The following ROR2 variants were observed in gnomAD, a reference collection of about 807,000 sequenced individuals.
The protein encoded by ROR2 is ROR family WNT receptor 2.
A neutral mutation model predicts 74.9 loss-of-function variants in ROR2; 33 were observed. The ratio of observed to expected loss-of-function variants is 0.44; its 90% CI spans 0.33 to 0.59. The LOEUF is 0.59. Among genes scored for constraint, ROR2 ranks in the 20% least tolerant of loss-of-function variants. The pLI, the probability that ROR2 is intolerant of heterozygous loss-of-function variation, is 0.02. For synonymous variants in ROR2, 586 were observed against 558.7 expected (o/e 1.05, Z -0.69); for missense variants, 1,216 against 1,313.8 (o/e 0.93, Z 1.15).
chr9:91,824,585 G>C (rs752287148), intron 1 of ROR2, among the ~76,000 whole-genome samples: 3 of 152,216 alleles, frequency 2.0e-5, no homozygotes, highest in African/African-American at 7.2e-5. Flanking sequence ...AACAGAGGAC[G>C]ATGAAATGCA....
intron 1 of ROR2, among the ~76,000 whole-genome samples, chr9:91,917,952 G>T (rs1831175918): frequency 6.6e-6 from 1 of 152,188 alleles, no homozygotes; most frequent in Non-Finnish European, 1.5e-5. Context: ...CCTCCACCCA[G>T]TGATCCTAAC....
chr9:91,727,207 C>CA (rs761607231), intron 7 of ROR2, among the ~76,000 whole-genome samples: 34 of 152,238 alleles, frequency 2.2e-4, no homozygotes, highest in Non-Finnish European at 4.3e-4. Flanking sequence ...TTTCCTCATT[C>CA]AACATTTTAA....
Position 91,774,792 on chromosome 9 carries a change from A to G in ROR2, c.175+949T>C, listed in dbSNP as rs1269038685. ...GGAGGGCCTGGAGAAGCATGATTCG[A>G]TACTTTTTTGAGGGGTCTGGGCATC... On this transcript the variant is annotated intron_variant, in intron 2 of 8. Coordinates refer to ENST00000375708, the MANE Select transcript of ROR2 (RefSeq NM_004560.4). Among the ~76,000 whole-genome samples the G allele has an allele frequency of 2.6e-5, 4 of 152,200 alleles. No individual in the cohort carries two copies. The East Asian group carries it at 7.7e-4, about 29-fold the overall frequency.
chr9:91,838,115 C>T (rs1828668439), intron 1 of ROR2, among the ~76,000 whole-genome samples: 1 of 152,162 alleles, frequency 6.6e-6, no homozygotes, highest in Non-Finnish European at 1.5e-5. Context: ...AAATCTTTAC[C>T]GTGTTCCTTA....
At chr9:91,780,548 G>A (rs1826582516) in intron 1 of ROR2, among the ~76,000 whole-genome samples, 1 of 152,184 alleles carries the variant, frequency 6.6e-6, no homozygotes, top group Non-Finnish European at 1.5e-5. Context: ...AGCACTTTGG[G>A]AGGTCGAGGC....
At chr9:91,759,218 G>A (rs967489905) in intron 2 of ROR2, among the ~76,000 whole-genome samples, 1 of 151,160 alleles carries the variant, frequency 6.6e-6, no homozygotes, top group Non-Finnish European at 1.5e-5. Context: ...GAGAGGTGGG[G>A]GAAGCCAGGC....
chr9:91,937,451 C>T (rs900849306), intron 1 of ROR2, among the ~76,000 whole-genome samples: 23 of 151,964 alleles, frequency 1.5e-4, no homozygotes, highest in South Asian at 8.3e-4. Flanking sequence ...GAGATCCAGA[C>T]GCCCCAGGGG....
In ROR2 at chr9:91,950,190, C is replaced by T; in HGVS notation, c.-227G>A. ...GGAGGTTCCTTGGCGCGGGCTGGGG[C>T]GTCCCGCCGGCCGCCAGGACGAGCG... On this transcript the variant is annotated 5_prime_UTR_variant, in exon 1 of 9. Transcript: ENST00000375708. The T allele has an allele frequency of 3.4e-6, 1 of 290,700 alleles. No individual in the cohort carries two copies. Among genetic ancestry groups the T allele is most frequent in the Non-Finnish European group, 6.3e-6 (1 of 158,820 alleles). 18.0% of individuals were successfully genotyped at this position (290,700 alleles called of 1,614,324 possible).
At chr9:91,768,132 C>T (rs955496800) in intron 2 of ROR2, among the ~76,000 whole-genome samples, 2 of 152,112 alleles carry the variant, frequency 1.3e-5, no homozygotes, top group African/African-American at 4.8e-5. Flanking sequence ...GAGCTCAGAC[C>T]GAAGCATGGC....
At chr9:91,921,777 C>T (rs1031827684) in intron 1 of ROR2, among the ~76,000 whole-genome samples, 6 of 151,038 alleles carry the variant, frequency 4.0e-5, no homozygotes, top group African/African-American at 1.5e-4. Context: ...GCAGGAGAAT[C>T]GCTTGAACCC....
intron 1 of ROR2, among the ~76,000 whole-genome samples, chr9:91,879,125 T>C (rs559679710): frequency 2.7e-5 from 4 of 149,212 alleles, no homozygotes; most frequent in South Asian, 2.1e-4. Context: ...GCCACAGAAA[T>C]TGGTCAAACA....
chr9:91,945,023 T>C (rs1831976436), intron 1 of ROR2, among the ~76,000 whole-genome samples: 4 of 151,356 alleles, frequency 2.6e-5, no homozygotes, highest in African/African-American at 9.7e-5. Flanking sequence ...CCAGAGGTAG[T>C]GAGCCGTGTT....
chr9:91,927,184 G>A (rs1410210654), intron 1 of ROR2, among the ~76,000 whole-genome samples: 1 of 152,170 alleles, frequency 6.6e-6, no homozygotes, highest in Non-Finnish European at 1.5e-5. Flanking sequence ...GACCCAAACT[G>A]CGTCCTGGAC....
At position 91,912,131 on chromosome 9, in the gene ROR2, A is replaced by T. The variant is rs190835050; in HGVS notation, c.97+37736T>A. On this transcript the variant is annotated intron_variant, in intron 1 of 8. Coordinates refer to ENST00000375708, the MANE Select transcript of ROR2 (RefSeq NM_004560.4). Reference sequence around the variant, plus strand: ...GGATCACACAAAACAGACATTAGTGAGAAAACTGCTAATTAGAGATTCAAA... The same window carrying T: ...GGATCACACAAAACAGACATTAGTGTGAAAACTGCTAATTAGAGATTCAAA... 2.5e-3 allele frequency among the ~76,000 whole-genome samples: 380 copies of T among 150,826 alleles called. 1 individual carries two copies. The highest frequency in any genetic ancestry group is 9.2e-3 in the African/African-American group (373 of 40,516).
intron 4 of ROR2, among the ~76,000 whole-genome samples, chr9:91,742,550 G>A (rs1476161535): frequency 6.6e-6 from 1 of 152,212 alleles, no homozygotes; most frequent in East Asian, 1.9e-4. Context: ...TTCATTGGAT[G>A]GTGCAGCCAT....
chr9:91,904,460 C>T (rs560242697), intron 1 of ROR2, among the ~76,000 whole-genome samples: 1 of 152,190 alleles, frequency 6.6e-6, no homozygotes, highest in Non-Finnish European at 1.5e-5. Context: ...GGGTAGGGAG[C>T]GGTAGGACCT....
intron 1 of ROR2, among the ~76,000 whole-genome samples, chr9:91,785,759 C>G (rs1480411403): frequency 3.3e-5 from 5 of 152,222 alleles, no homozygotes; most frequent in Admixed American, 6.5e-5. Context: ...GGCATGGGCT[C>G]CTGTTCCTCC....
At chr9:91,813,910 A>C (rs2119114434) in intron 1 of ROR2, among the ~76,000 whole-genome samples, 1 of 152,362 alleles carries the variant, frequency 6.6e-6, no homozygotes, top group East Asian at 1.9e-4. Flanking sequence ...TAAAGGGGGC[A>C]GCAAGAATGA....
intron 1 of ROR2, among the ~76,000 whole-genome samples, chr9:91,856,284 G>A (rs1334472611): frequency 6.6e-6 from 1 of 152,202 alleles, no homozygotes; most frequent in Non-Finnish European, 1.5e-5. Flanking sequence ...TAGCCCAGCA[G>A]GTGGAGGCTT....
Sources: allele counts gnomAD v4.1 joint callset (sites outside exome capture counted in the v4.1 genomes callset), GRCh38; gene constraint gnomAD v4.1.1; transcripts MANE v1.5; gene names NCBI Gene and HGNC (gene_info 2026-07-23, HGNC 2026-07-21).